Variants in SULF2 observed in about 807,000 individuals in gnomAD.
SULF2 encodes the protein extracellular sulfatase Sulf-2.
In SULF2, 52 loss-of-function variants were observed where a neutral mutation model predicts 107.7. The observed-to-expected ratio is 0.48, with a 90% confidence interval of 0.39 to 0.61. The LOEUF (loss-of-function observed/expected upper bound fraction) is 0.61. Ranked by LOEUF, SULF2 falls within the 20% of genes least tolerant of loss-of-function variation. The pLI, the probability that SULF2 is intolerant of heterozygous loss-of-function variation, is 0.00. For missense variants in SULF2, 993 were observed against 1,177.3 expected (o/e 0.84, Z 2.29); for synonymous variants, 460 against 464.3 (o/e 0.99, Z 0.12).
chr20:47,780,878 C>T (rs1002971301), intron 1 of SULF2, among the ~76,000 whole-genome samples: 1 of 152,210 alleles, frequency 6.6e-6, no homozygotes, highest in Non-Finnish European at 1.5e-5. Flanking sequence ...CGCCTTCTGA[C>T]AGCCCCTGCA....
chr20:47,698,538 G>A (rs1016179112), intron 4 of SULF2, among the ~76,000 whole-genome samples: 3 of 152,130 alleles, frequency 2.0e-5, no homozygotes, highest in African/African-American at 7.2e-5. Flanking sequence ...GAATACAGTC[G>A]AGCAGACAAA....
intron 5 of SULF2, among the ~76,000 whole-genome samples, chr20:47,688,394 G>C (rs1401580447): frequency 6.6e-6 from 1 of 152,224 alleles, no homozygotes. Context: ...TTCAATTTCT[G>C]TAATTTTCAT....
chr20:47,659,846 G>T (rs2087009670), intron 18 of SULF2, 116 bp from the exon 19 acceptor site: 1 of 770,986 alleles, frequency 1.3e-6, no homozygotes, highest in Non-Finnish European at 2.2e-6. Flanking sequence ...TGCTGATAGT[G>T]TTCCCTACTC....
chr20:47,723,057 A>G (rs1016667634), intron 3 of SULF2, among the ~76,000 whole-genome samples: 1 of 151,728 alleles, frequency 6.6e-6, no homozygotes, highest in African/African-American at 2.4e-5. Flanking sequence ...ACAGAGCAAG[A>G]CTCCGTCTCA....
chr20:47,745,454 TATACAC>T (rs199667633), intron 2 of SULF2, among the ~76,000 whole-genome samples: 2,772 of 17,058 alleles, frequency 0.16, 256 homozygotes, highest in East Asian at 0.23. Context: ...TATATATATA[TATACAC>T]ATACACACAC....
In SULF2 at chr20:47,736,949, G is replaced by C; in HGVS notation, c.176-7C>G. 1 of 1,614,074 alleles carries C rather than the reference G, an allele frequency of 6.2e-7. No individual in the cohort carries two copies. Among genetic ancestry groups the C allele is most frequent in the Non-Finnish European group, 8.5e-7 (1 of 1,179,958 alleles). On this transcript the variant is annotated splice_region_variant and splice_polypyrimidine_tract_variant and intron_variant, in intron 2 of 20. Coordinates refer to ENST00000688720, the MANE Select transcript of SULF2 (RefSeq NM_001387048.1). ...TTCATCACCTGCATGGAACCTGCAA[G>C]TCAAGGGTGGAAGTAAGGCGCAGGG...
At chr20:47,659,309 A>G (rs1257809491) in intron 20 of SULF2, 90 bp downstream of exon 20, 5 of 1,123,050 alleles carry the variant, frequency 4.5e-6, no homozygotes, top group African/African-American at 1.5e-5. Context: ...AAAGGGTGGT[A>G]TGTAAGAAAT....
intron 4 of SULF2, among the ~76,000 whole-genome samples, chr20:47,693,196 T>C (rs1039961460): frequency 6.6e-6 from 1 of 152,214 alleles, no homozygotes; most frequent in Non-Finnish European, 1.5e-5. Context: ...GATATAAAGG[T>C]ATTAGAAAAG....
chr20:47,744,365 T>G (rs1305205417), intron 2 of SULF2, among the ~76,000 whole-genome samples: 1 of 152,136 alleles, frequency 6.6e-6, no homozygotes, highest in Non-Finnish European at 1.5e-5. Flanking sequence ...TTGGTGTGTA[T>G]TTTTAGTAGA....
intron 4 of SULF2, among the ~76,000 whole-genome samples, chr20:47,692,958 G>T (rs2146550519): frequency 6.6e-6 from 1 of 152,286 alleles, no homozygotes; most frequent in Middle Eastern, 3.4e-3. Context: ...ATATATTTTT[G>T]AGCATCAAGG....
At position 47,678,645 on chromosome 20, in the gene SULF2, C is replaced by A; in HGVS notation, c.1193+31G>T. 1 of 1,611,736 alleles carries A rather than the reference C, an allele frequency of 6.2e-7. No individual in the cohort carries two copies. The highest frequency in any genetic ancestry group is 8.5e-7 in the Non-Finnish European group (1 of 1,178,908). Reference sequence around the variant, plus strand: ...AGTTCCCGCAGGTCAATGTCCCGGCCCCCTCAACACCTGCCCTGCTCCGTC... The same window carrying A: ...AGTTCCCGCAGGTCAATGTCCCGGCACCCTCAACACCTGCCCTGCTCCGTC... On this transcript the variant is annotated intron_variant, in intron 8 of 20. Transcript: ENST00000688720. This position sits in a 1 kb window ranked among gnomAD's most constrained non-coding sequence, Gnocchi z 4.5.
chr20:47,697,340 C>A (rs1330992582), intron 4 of SULF2, among the ~76,000 whole-genome samples: 1 of 152,200 alleles, frequency 6.6e-6, no homozygotes, highest in African/African-American at 2.4e-5. Flanking sequence ...GGGACAGAGT[C>A]CTCAGAGGCC....
Position 47,663,230 on chromosome 20 carries a change from G to A in SULF2, c.2228-18C>T, listed in dbSNP as rs981473393. The A allele has an allele frequency of 1.5e-5, 24 of 1,613,656 alleles. No individual in the cohort carries two copies. The highest frequency in any genetic ancestry group is 1.9e-5 in the Non-Finnish European group (22 of 1,179,874). On this transcript the variant is annotated intron_variant, in intron 16 of 20. Transcript: ENST00000688720. ...AGGCCCCACTGCCAAGGAAGAGAGAGCATGTCCTGAGTGCCTGCGGGAGGA... is the reference window on the plus strand; with the variant it reads ...AGGCCCCACTGCCAAGGAAGAGAGAACATGTCCTGAGTGCCTGCGGGAGGA...
At chr20:47,758,233 A>G (rs1355308268) in intron 1 of SULF2, among the ~76,000 whole-genome samples, 1 of 135,780 alleles carries the variant, frequency 7.4e-6, no homozygotes, top group Non-Finnish European at 1.5e-5. Flanking sequence ...CAATGACGCC[A>G]TCTGGGCTCA....
At chr20:47,779,922 TTAAAA>T (rs1369901823) in intron 1 of SULF2, among the ~76,000 whole-genome samples, 3 of 152,052 alleles carry the variant, frequency 2.0e-5, no homozygotes, top group African/African-American at 7.2e-5. Context: ...TCCATTTTAT[TTAAAA>T]TAAAGTCTAA....
chr20:47,785,611 C>G (rs1209170533), upstream of SULF2: 1 of 146,666 alleles, frequency 6.8e-6, no homozygotes, highest in African/African-American at 2.5e-5. Flanking sequence ...CCGCCCGGAC[C>G]GCTCTTAAAT....
At chr20:47,747,746 G>A (rs2090075638) in intron 2 of SULF2, among the ~76,000 whole-genome samples, 1 of 151,120 alleles carries the variant, frequency 6.6e-6, no homozygotes, top group Non-Finnish European at 1.5e-5. Context: ...CTCCCAATCT[G>A]TTCCTCCTGC....
At chr20:47,744,607 A>T (rs536850507) in intron 2 of SULF2, among the ~76,000 whole-genome samples, 23 of 151,888 alleles carry the variant, frequency 1.5e-4, no homozygotes, top group African/African-American at 5.3e-4. Context: ...ATGACCGAAA[A>T]ATCTATAGAT....
In SULF2 at chr20:47,657,417, G is replaced by A. The variant is rs1337856017; in HGVS notation, c.*945C>T. On this transcript the variant is annotated 3_prime_UTR_variant, in exon 21 of 21. Coordinates refer to ENST00000688720, the MANE Select transcript of SULF2 (RefSeq NM_001387048.1). The stretch of plus-strand genomic sequence containing the variant: ...ACACACCAAAAAACTCCCAAGAAAT[G>A]GCCTTTTACAAAATGTCAAAGGTTC... 1 of 148,280 alleles carries A rather than the reference G, an allele frequency of 6.7e-6. No individual in the cohort carries two copies. Among genetic ancestry groups the A allele is most frequent in the East Asian group, 2.0e-4 (1 of 5,126 alleles). 9.2% of individuals were successfully genotyped at this position (148,280 alleles called of 1,614,324 possible).
Sources: gnomAD v4.1 joint callset for allele counts (sites outside exome capture counted in the v4.1 genomes callset) on GRCh38, gnomAD v4.1.1 for gene constraint, Gnocchi (gnomAD v3.1) non-coding constraint, MANE v1.5 for transcripts, NCBI Gene and HGNC (gene_info 2026-07-23, HGNC 2026-07-21) for gene names.